ALDH9A1: variants seen among roughly 807,000 people sequenced by gnomAD.
The protein encoded by ALDH9A1 is aldehyde dehydrogenase 9 family member A1, also known as 4-trimethylaminobutyraldehyde dehydrogenase.
In ALDH9A1, 42 loss-of-function variants were observed where a neutral mutation model predicts 56.6. That is an observed-to-expected ratio of 0.74 (90% CI 0.58 to 0.96). ALDH9A1 has a LOEUF of 0.96. ALDH9A1 is among the 40% of genes least tolerant of loss of function. The pLI is 0.00. For missense variants in ALDH9A1, 661 were observed against 651.5 expected (o/e 1.01, Z -0.16); for synonymous variants, 242 against 236.0 (o/e 1.03, Z -0.23).
intron 9 of ALDH9A1, 127 bp from the exon 10 acceptor site, chr1:165,665,257 T>A: frequency 4.0e-6 from 3 of 747,458 alleles, no homozygotes; most frequent in Non-Finnish European, 6.5e-6. Context: ...CAAAATGTTT[T>A]AAAATCTTTT....
chr1:165,698,519 G>A lies in ALDH9A1; in HGVS notation c.40C>T (p.Leu14Phe). ...RAGLAALSPLLRSLRPSPVAA... is the reference protein window; with the variant it reads ...RAGLAALSPLFRSLRPSPVAA... ...ACAGGAGAGGGCCGAAGACTGCGAA[G>A]AAGCGGGGAGAGCGCGGCCAGGCCT... is the stretch of plus-strand genomic sequence containing the variant. The change falls in exon 1 of 11, where the codon CTT (leucine) becomes TTT (phenylalanine). Residue 14 changes from leucine (L) to phenylalanine (F), a missense_variant. Coordinates refer to ENST00000354775, the MANE Select transcript of ALDH9A1 (RefSeq NM_000696.4). 1 of 1,610,546 alleles carries A rather than the reference G, an allele frequency of 6.2e-7. No homozygotes were observed. Among genetic ancestry groups the A allele is most frequent in the Non-Finnish European group, 8.5e-7 (1 of 1,178,860 alleles).
intron 6 of ALDH9A1, among the ~76,000 whole-genome samples, chr1:165,674,749 G>A (rs1448412944): frequency 6.6e-6 from 1 of 151,850 alleles, no homozygotes; most frequent in Non-Finnish European, 1.5e-5. Flanking sequence ...CCTCTTCTGG[G>A]TATATACCAA....
intron 2 of ALDH9A1, among the ~76,000 whole-genome samples, chr1:165,690,889 G>C (rs1352819410): frequency 6.6e-6 from 1 of 152,246 alleles, no homozygotes; most frequent in Non-Finnish European, 1.5e-5. Flanking sequence ...GCCCACCACA[G>C]CTCAAGGAGG....
rs542747267 is a variant in ALDH9A1 at position 165,682,271 on chromosome 1, G to A, written c.458-30C>T. 3.0e-5 allele frequency: 48 copies of A among 1,606,884 alleles called. 2 individuals carry two copies. In the South Asian group the frequency reaches 4.5e-4, roughly 15 times the overall value. On this transcript the variant is annotated intron_variant, in intron 3 of 10. Coordinates refer to ENST00000354775, the MANE Select transcript of ALDH9A1 (RefSeq NM_000696.4). ...GGGGAAAACAGGAGTAAAGGAGGATGCAGGTCTGTGCTCCCCAAGATTTCA... is the reference window on the plus strand; with the variant it reads ...GGGGAAAACAGGAGTAAAGGAGGATACAGGTCTGTGCTCCCCAAGATTTCA...
intron 3 of ALDH9A1, 99 bp from the exon 4 acceptor site, chr1:165,682,340 C>T (rs1246330296): frequency 7.9e-7 from 1 of 1,268,406 alleles, no homozygotes; most frequent in East Asian, 2.4e-5. Context: ...TCAACGCAGC[C>T]TCCCCACTTC....
intron 2 of ALDH9A1, among the ~76,000 whole-genome samples, chr1:165,687,126 A>G (rs952811215): frequency 1.3e-5 from 2 of 152,158 alleles, no homozygotes; most frequent in African/African-American, 4.8e-5. Flanking sequence ...CCTGAAAACA[A>G]AACACACACA....
chr1:165,665,289 T>C (rs1571164169), intron 9 of ALDH9A1, 159 bp from the exon 10 acceptor site: 2 of 628,186 alleles, frequency 3.2e-6, no homozygotes, highest in African/African-American at 1.8e-5. Context: ...AAAACAGATA[T>C]GGATTGGGTT....
chr1:165,675,730 ATC>A (rs1649336900), intron 6 of ALDH9A1, among the ~76,000 whole-genome samples: 1 of 152,216 alleles, frequency 6.6e-6, no homozygotes, highest in African/African-American at 2.4e-5. Flanking sequence ...AAACAAATGA[ATC>A]TGTTATTTTA....
chr1:165,672,268 G>GTGTGTGTGTATGTGTGC (rs1649200774), intron 6 of ALDH9A1, among the ~76,000 whole-genome samples: 1 of 152,114 alleles, frequency 6.6e-6, no homozygotes, highest in African/African-American at 2.4e-5. Flanking sequence ...TGTGTGCTGT[G>GTGTGTGTGTATGTGTGC]TGTGTGTGTA....
Position 165,682,994 on chromosome 1 carries a change from A to G in ALDH9A1, c.444T>C (p.Ala148=). The G allele has an allele frequency of 6.2e-7, 1 of 1,614,016 alleles. No homozygotes were observed. Among genetic ancestry groups the G allele is most frequent in the Non-Finnish European group, 8.5e-7 (1 of 1,179,952 alleles). ...WQCLEYYAGL[A]ASMAGEHIQL... is the part of the protein sequence containing the mutation. The stretch of plus-strand genomic sequence containing the variant: ...GTGAGGACTTACCAGCCATGGATGC[A>G]GCCAAGCCCGCATAATACTCCAGGC... The change falls in exon 3 of 11, where the codon GCT becomes GCC. Residue 148 remains alanine (A), a synonymous_variant. Coordinates refer to ENST00000354775, the MANE Select transcript of ALDH9A1 (RefSeq NM_000696.4).
Position 165,669,218 on chromosome 1 carries a change from G to A in ALDH9A1, c.1119+44C>T, listed in dbSNP as rs373653721. ...GCACAAAGCATGTGATTTAGGAGTA[G>A]TATAATCTTCCCCAACCCCACCCTA... is the stretch of plus-strand genomic sequence containing the variant. On this transcript the variant is annotated intron_variant, in intron 7 of 10. Transcript: ENST00000354775. 796 of 1,530,436 alleles carry A rather than the reference G, an allele frequency of 5.2e-4. 1 individual carries two copies. The highest frequency in any genetic ancestry group is 6.5e-4 in the Non-Finnish European group (737 of 1,129,888). 94.8% of individuals were successfully genotyped at this position (1,530,436 alleles called of 1,614,324 possible).
At chr1:165,672,054 T>C (rs1649194542) in intron 6 of ALDH9A1, among the ~76,000 whole-genome samples, 1 of 152,230 alleles carries the variant, frequency 6.6e-6, no homozygotes, top group African/African-American at 2.4e-5. Context: ...CACAGTACAG[T>C]GGTTCCTCAA....
rs1558001943 is a variant in ALDH9A1 at position 165,667,448 on chromosome 1, T to C, written c.1210A>G (p.Asn404Asp). 6.2e-7 allele frequency: 1 copy of C among 1,613,858 alleles called. No homozygotes were observed. Among genetic ancestry groups the C allele is most frequent in the African/African-American group, 1.3e-5 (1 of 75,022 alleles). The change falls in exon 9 of 11, where the codon AAT becomes GAT. Residue 404 changes from asparagine to aspartate, a missense_variant and splice_region_variant. Transcript: ENST00000354775. ...GYYMRPCVLT[N>D]CRDDMTCVKE... ...ACACAGGTCATGTCGTCTCTGCAATTAGCTGCAAACATTAAAATAAAACCT... is the reference window on the plus strand; with the variant it reads ...ACACAGGTCATGTCGTCTCTGCAATCAGCTGCAAACATTAAAATAAAACCT...
intron 6 of ALDH9A1, chr1:165,671,705 T>C (rs1271363081): frequency 2.3e-6 from 1 of 441,474 alleles, no homozygotes; most frequent in African/African-American, 2.1e-5. Context: ...ATATGAATCA[T>C]ATACAGCCTC....
At chr1:165,692,658 T>C (rs1420057234) in intron 2 of ALDH9A1, among the ~76,000 whole-genome samples, 40 of 152,206 alleles carry the variant, frequency 2.6e-4, no homozygotes, top group African/African-American at 8.2e-4. Context: ...TTTATAGATT[T>C]AATGCCATCC....
In ALDH9A1 at chr1:165,698,400, C is replaced by T; in HGVS notation, c.159G>A (p.Glu53=). 1 of 1,597,238 alleles carries T rather than the reference C, an allele frequency of 6.3e-7. No homozygotes were observed. Among genetic ancestry groups the T allele is most frequent in the Non-Finnish European group, 8.5e-7 (1 of 1,173,162 alleles). ...TACCGGTTGCTGGCTCGAAAGCTTT[C>T]TCGGTACCGGAGGCGTCCGCCGGCT... ...RVEPADASGT[E]KAFEPATGRV... is the part of the protein sequence containing the mutation. Residue 53 remains glutamate (E), a synonymous_variant, in exon 1 of 11, where the codon GAG becomes GAA. Transcript: ENST00000354775.
At chr1:165,674,221 C>T (rs1400147194) in intron 6 of ALDH9A1, among the ~76,000 whole-genome samples, 1 of 147,346 alleles carries the variant, frequency 6.8e-6, no homozygotes, top group Non-Finnish European at 1.5e-5. Flanking sequence ...CAAGAAATAA[C>T]CACAAAAAGG....
In ALDH9A1 at chr1:165,698,394, A is replaced by G. The variant is rs1403123597; in HGVS notation, c.165T>C (p.Ala55=). 3 of 1,593,768 alleles carry G rather than the reference A, an allele frequency of 1.9e-6. No homozygotes were observed. The highest frequency in any genetic ancestry group is 2.6e-6 in the Non-Finnish European group (3 of 1,171,654). ...EPADASGTEK[A]FEPATGRVIA... is the part of the protein sequence containing the mutation. ...TGCAGTTACCGGTTGCTGGCTCGAA[A>G]GCTTTCTCGGTACCGGAGGCGTCCG... The change falls in exon 1 of 11, where the codon GCT becomes GCC. Residue 55 remains alanine (A), a synonymous_variant. Coordinates refer to ENST00000354775, the MANE Select transcript of ALDH9A1 (RefSeq NM_000696.4).
intron 2 of ALDH9A1, among the ~76,000 whole-genome samples, chr1:165,692,338 C>CT (rs1438617886): frequency 6.6e-6 from 1 of 152,188 alleles, no homozygotes; most frequent in Non-Finnish European, 1.5e-5. Context: ...CCAAAATCTC[C>CT]TTAAGGTGAT....
Sources: allele counts gnomAD v4.1 joint callset (sites outside exome capture counted in the v4.1 genomes callset), GRCh38; gene constraint gnomAD v4.1.1; transcripts MANE v1.5; gene names NCBI Gene and HGNC (gene_info 2026-07-23, HGNC 2026-07-21).